Variants in MMD2 observed in about 807,000 individuals in gnomAD.
MMD2 encodes monocyte to macrophage differentiation associated 2.
In MMD2, 30 loss-of-function variants were observed where a neutral mutation model predicts 33.5. The ratio of observed to expected loss-of-function variants is 0.90; its 90% CI spans 0.67 to 1.22. The LOEUF (loss-of-function observed/expected upper bound fraction) is 1.22, where lower values mean the gene tolerates loss of function less well. Ranked by LOEUF, MMD2 falls within the 50% of genes most tolerant of loss-of-function variation. The pLI is 0.00. For missense variants in MMD2, 364 were observed against 325.4 expected (o/e 1.12, Z -0.91); for synonymous variants, 129 against 123.0 (o/e 1.05, Z -0.32).
chr7:4,902,642 A>G (rs1015606071), downstream of MMD2, among the ~76,000 whole-genome samples: 1 of 152,206 alleles, frequency 6.6e-6, no homozygotes, highest in African/African-American at 2.4e-5. Flanking sequence ...CGCCTGTGAC[A>G]TTAGCATGCT....
chr7:4,905,392 A>G (rs1419801243), downstream of MMD2, among the ~76,000 whole-genome samples: 1 of 145,322 alleles, frequency 6.9e-6, no homozygotes, highest in African/African-American at 2.5e-5. This position sits in a 1 kb window ranked among gnomAD's most constrained non-coding sequence, Gnocchi z 5.0. Context: ...GGAAGGGGAA[A>G]AGGAGGAGGA....
chr7:4,939,970 G>C (rs1454468486), intron 1 of MMD2, among the ~76,000 whole-genome samples: 1 of 152,112 alleles, frequency 6.6e-6, no homozygotes, highest in Non-Finnish European at 1.5e-5. Flanking sequence ...TCGAACTCCT[G>C]ACCTCAAGCA....
At chr7:4,949,813 C>CT (rs1443981894) in intron 1 of MMD2, among the ~76,000 whole-genome samples, 3 of 151,980 alleles carry the variant, frequency 2.0e-5, no homozygotes, top group Admixed American at 6.6e-5. Context: ...GAATATCAGT[C>CT]TTTTTATGCC....
At chr7:4,911,124 A>G (rs1784995373) in intron 5 of MMD2, 21 bp downstream of exon 5, 1 of 1,556,894 alleles carries the variant, frequency 6.4e-7, no homozygotes, top group African/African-American at 1.4e-5. Flanking sequence ...CGCCTCCCTG[A>G]AGCCCCCAGG....
In MMD2 at chr7:4,916,212, C is replaced by A. The variant is rs976971745; in HGVS notation, c.291-133G>T. The A allele has an allele frequency of 2.1e-5, 15 of 714,166 alleles. No individual in the cohort carries two copies. The African/African-American group carries it at 2.7e-4, about 13-fold the overall frequency. The allele number at this position is 714,166 out of a possible 1,614,324, so 44.2% of individuals were successfully genotyped here. A position where few individuals can be genotyped will look rare whatever the true frequency, so the allele number is the denominator to read the frequency against. On this transcript the variant is annotated intron_variant, in intron 3 of 6. Coordinates refer to ENST00000401401, the MANE Select transcript of MMD2 (RefSeq NM_198403.4). ...GCTGGGCTCCTCTGTCCAGCCAAGA[C>A]CCCTTGGCCCTCAGAATCCCCATCT...
intron 1 of MMD2, among the ~76,000 whole-genome samples, chr7:4,935,796 T>A (rs887083821): frequency 6.6e-6 from 1 of 152,056 alleles, no homozygotes; most frequent in Non-Finnish European, 1.5e-5. Flanking sequence ...GTACTTGAAT[T>A]ATGTAAGATG....
intron 1 of MMD2, among the ~76,000 whole-genome samples, chr7:4,934,864 T>A (rs1253272485): frequency 6.6e-6 from 1 of 152,088 alleles, no homozygotes; most frequent in Non-Finnish European, 1.5e-5. Flanking sequence ...ACGGGAATAA[T>A]ATTACCTAGC....
In MMD2 at chr7:4,906,412, G is replaced by T; in HGVS notation, c.*984C>A. 1 of 398,526 alleles carries T rather than the reference G, an allele frequency of 2.5e-6. No homozygotes were observed. Among genetic ancestry groups the T allele is most frequent in the South Asian group, 1.3e-4 (1 of 7,822 alleles). 24.7% of individuals were successfully genotyped at this position (398,526 alleles called of 1,614,324 possible). A position where few individuals can be genotyped will look rare whatever the true frequency, so the allele number is the denominator to read the frequency against. ...ACCTGAGTAGCCTCTAACAGCCACT[G>T]ATTGGCACCAAGAGAGAATCCAAAT... On this transcript the variant is annotated 3_prime_UTR_variant, in exon 7 of 7. Coordinates refer to ENST00000401401, the MANE Select transcript of MMD2 (RefSeq NM_198403.4).
At chr7:4,911,584 A>G (rs6951799) in intron 4 of MMD2, among the ~76,000 whole-genome samples, 104,049 of 151,768 alleles carry the variant, frequency 0.69, 37,194 homozygotes, top group African/African-American at 0.9. Flanking sequence ...AGCTAACCAA[A>G]GCAATGCTGT....
At chr7:4,921,017 T>A (rs1420574889) in intron 2 of MMD2, among the ~76,000 whole-genome samples, 2 of 152,128 alleles carry the variant, frequency 1.3e-5, no homozygotes, top group Non-Finnish European at 1.5e-5. Context: ...ATGCCCAGCC[T>A]CAGGTGTCAA....
At chr7:4,951,846 C>T (rs1407740329) in intron 1 of MMD2, among the ~76,000 whole-genome samples, 7 of 152,128 alleles carry the variant, frequency 4.6e-5, no homozygotes, top group South Asian at 2.1e-4. Flanking sequence ...GCAATCCTCC[C>T]GCCACAGCCT....
At position 4,959,170 on chromosome 7, in the gene MMD2, C is replaced by T. The variant is rs1234554093; in HGVS notation, c.-153G>A. On this transcript the variant is annotated 5_prime_UTR_variant, in exon 1 of 7. Coordinates refer to ENST00000401401, the MANE Select transcript of MMD2 (RefSeq NM_198403.4). ...CCCGGAGCCGGAGCCGGAGCCCGAG[C>T]CGGAGCTGGAGGCGCCCGGAGCCGC... 1.9e-6 allele frequency: 1 copy of T among 518,526 alleles called. No individual in the cohort carries two copies. The highest frequency in any genetic ancestry group is 2.8e-6 in the Non-Finnish European group (1 of 353,252). 32.1% of individuals were successfully genotyped at this position (518,526 alleles called of 1,614,324 possible). A position where few individuals can be genotyped will look rare whatever the true frequency, so the allele number is the denominator to read the frequency against.
chr7:4,926,124 G>T (rs1029173662), intron 1 of MMD2, among the ~76,000 whole-genome samples: 29 of 148,128 alleles, frequency 2.0e-4, no homozygotes, highest in Non-Finnish European at 8.9e-5. Context: ...CTTACACGGG[G>T]TCTCACTCTG....
Position 4,946,315 on chromosome 7 carries a change from C to T in MMD2, c.47+12656G>A, listed in dbSNP as rs1786086345. 6.6e-6 allele frequency among the ~76,000 whole-genome samples: 1 copy of T among 152,182 alleles called. No individual in the cohort carries two copies. Among genetic ancestry groups the T allele is most frequent in the Non-Finnish European group, 1.5e-5 (1 of 68,030 alleles). ...CACCATCCCCGCATCCTAAGAATAGCCATGCTCCAAACATGGACGGATCAA... is the reference window on the plus strand; with the variant it reads ...CACCATCCCCGCATCCTAAGAATAGTCATGCTCCAAACATGGACGGATCAA... On this transcript the variant is annotated intron_variant, in intron 1 of 6. Coordinates refer to ENST00000401401, the MANE Select transcript of MMD2 (RefSeq NM_198403.4). This position sits in a 1 kb window ranked among gnomAD's most constrained non-coding sequence, Gnocchi z 5.0.
chr7:4,919,764 T>C (rs1435344394), intron 3 of MMD2, among the ~76,000 whole-genome samples: 1 of 151,552 alleles, frequency 6.6e-6, no homozygotes, highest in African/African-American at 2.4e-5. Flanking sequence ...GACGTGGTGG[T>C]GCATACCTGT....
intron 1 of MMD2, among the ~76,000 whole-genome samples, chr7:4,929,386 C>G (rs1033538022): frequency 6.6e-6 from 1 of 152,108 alleles, no homozygotes; most frequent in Admixed American, 6.6e-5. Flanking sequence ...CATGGAGGAC[C>G]CACCCTGGGG....
Position 4,906,880 on chromosome 7 carries a change from G to C in MMD2, c.*516C>G, listed in dbSNP as rs759303751. Reference sequence around the variant, plus strand: ...AGAATTCTGACATCACCCATGTGCTGCACTTGATTGGTGATGTCTGCCATG... The same window carrying C: ...AGAATTCTGACATCACCCATGTGCTCCACTTGATTGGTGATGTCTGCCATG... On this transcript the variant is annotated 3_prime_UTR_variant, in exon 7 of 7. Coordinates refer to ENST00000401401, the MANE Select transcript of MMD2 (RefSeq NM_198403.4). 1 of 263,552 alleles carries C rather than the reference G, an allele frequency of 3.8e-6. No individual in the cohort carries two copies. Among genetic ancestry groups the C allele is most frequent in the Non-Finnish European group, 7.2e-6 (1 of 138,824 alleles). 16.3% of individuals were successfully genotyped at this position (263,552 alleles called of 1,614,324 possible).
At chr7:4,909,003 T>C (rs1784938470) in intron 6 of MMD2, among the ~76,000 whole-genome samples, 1 of 152,108 alleles carries the variant, frequency 6.6e-6, no homozygotes, top group South Asian at 2.1e-4. Context: ...GTGAGTGTGC[T>C]TACTACCACT....
Position 4,920,299 on chromosome 7 carries a change from G to A in MMD2, c.162C>T (p.Ser54=), listed in dbSNP as rs1377396913. The A allele has an allele frequency of 1.9e-6, 3 of 1,609,410 alleles. No individual in the cohort carries two copies. Among genetic ancestry groups the A allele is most frequent in the Non-Finnish European group, 2.5e-6 (3 of 1,178,182 alleles). The part of the protein sequence containing the change: ...FWIIPSILGS[S]NLYFLSDDDW... ...CATCGTCCGACAGGAAGTAGAGGTT[G>A]GAGCTGCCCAGGATGCTGGGGATGA... The change falls in exon 3 of 7, where the codon TCC becomes TCT. Residue 54 remains serine (S), a synonymous_variant. Transcript: ENST00000401401.
Sources: allele counts gnomAD v4.1 joint callset (sites outside exome capture counted in the v4.1 genomes callset), GRCh38; gene constraint gnomAD v4.1.1; non-coding constraint Gnocchi (gnomAD v3.1); transcripts MANE v1.5; gene names NCBI Gene and HGNC (gene_info 2026-07-23, HGNC 2026-07-21).